The following VCAN variants were observed in gnomAD, a reference collection of about 807,000 sequenced individuals.
The protein encoded by VCAN is versican core protein.
VCAN carries 44 observed loss-of-function variants against 245.5 expected under a neutral mutation model. The ratio of observed to expected loss-of-function variants is 0.18; its 90% CI spans 0.14 to 0.23. The LOEUF is 0.23. Ranked by LOEUF, VCAN falls within the 10% of genes least tolerant of loss-of-function variation. VCAN has a pLI of 1.00. For synonymous variants in VCAN, 1,413 were observed against 1,437.0 expected, an observed-to-expected ratio of 0.98 and a Z score of 0.38; for missense variants, 3,793 against 4,057.9, an observed-to-expected ratio of 0.93 and a Z score of 1.77.
intron 10 of VCAN, among the ~76,000 whole-genome samples, chr5:83,549,869 A>G (rs760924837): frequency 3.3e-5 from 5 of 152,298 alleles, no homozygotes; most frequent in Middle Eastern, 3.4e-3. Context: ...CAGGTTGCCT[A>G]AGAACAAATG....
chr5:83,491,921 C>G (rs1373191104), intron 3 of VCAN, among the ~76,000 whole-genome samples: 1 of 152,176 alleles, frequency 6.6e-6, no homozygotes, highest in Non-Finnish European at 1.5e-5. Flanking sequence ...CTTGCTTAAG[C>G]CTTAGAGATC....
Position 83,580,151 on chromosome 5 carries a change from C to T in VCAN, c.10052C>T (p.Thr3351Ile). The T allele has an allele frequency of 3.1e-6, 5 of 1,614,064 alleles. No homozygotes were observed. Among genetic ancestry groups the T allele is most frequent in the Non-Finnish European group, 4.2e-6 (5 of 1,179,980 alleles). ...GGAAGATGGGCTATACCTAAAATTA[C>T]CTGCATGAACCGTAAGTGGTCCTTT... ...GNGRWAIPKI[T>I]CMNPSAYQRT... Residue 3351 changes from threonine (T) to isoleucine (I), a missense_variant, in exon 14 of 15, where the codon ACC (threonine) becomes ATC (isoleucine). Thr to Ile is a moderately conservative substitution (Grantham distance 89). Transcript: ENST00000265077.
intron 12 of VCAN, among the ~76,000 whole-genome samples, chr5:83,562,864 C>T (rs537044106): frequency 6.6e-6 from 1 of 152,256 alleles, no homozygotes; most frequent in East Asian, 1.9e-4. Context: ...GTGCGAGTAA[C>T]TCACATCCTT....
chr5:83,496,638 C>G (rs749141801), intron 5 of VCAN, among the ~76,000 whole-genome samples: 1 of 152,062 alleles, frequency 6.6e-6, no homozygotes, highest in Non-Finnish European at 1.5e-5. Flanking sequence ...TTTTTTTCCT[C>G]CTTGTTTATT....
chr5:83,474,508 GC>G (rs1447221626), intron 1 of VCAN, among the ~76,000 whole-genome samples: 1 of 152,216 alleles, frequency 6.6e-6, no homozygotes, highest in Non-Finnish European at 1.5e-5. Context: ...TGGGTCTGGG[GC>G]CCGCCCCCAC....
rs190583380 is a variant in VCAN at position 83,519,530 on chromosome 5, C to T, written c.1224C>T (p.Ala408=). The T allele has an allele frequency of 1.2e-6, 2 of 1,614,110 alleles. No individual in the cohort carries two copies. Among genetic ancestry groups the T allele is most frequent in the Non-Finnish European group, 8.5e-7 (1 of 1,179,964 alleles). The part of the protein sequence containing the change: ...VGNIVSFEQK[A]TVQPQAITDS... ...ATATTGTCAGTTTTGAACAGAAAGC[C>T]ACAGTCCAACCTCAGGCTATCACAG... The change falls in exon 7 of 15, where the codon GCC becomes GCT. Residue 408 remains alanine, a synonymous_variant. Transcript: ENST00000265077.
chr5:83,525,046 G>GTTTTT (rs34155062), intron 7 of VCAN, among the ~76,000 whole-genome samples: 2 of 132,534 alleles, frequency 1.5e-5, no homozygotes, highest in East Asian at 2.1e-4. Flanking sequence ...TATAAATCTT[G>GTTTTT]TTTTTTTTTT....
chr5:83,535,676 A>G (rs1188260049), intron 7 of VCAN: 1 of 152,158 alleles, frequency 6.6e-6, no homozygotes, highest in Admixed American at 6.6e-5. Flanking sequence ...AGCTTCTTGC[A>G]ACAGGAACAA....
intron 1 of VCAN, among the ~76,000 whole-genome samples, chr5:83,481,991 C>A (rs1368579980): frequency 6.6e-6 from 1 of 152,100 alleles, no homozygotes; most frequent in Non-Finnish European, 1.5e-5. Context: ...AGGGTCCCAG[C>A]TGAAAAATAT....
intron 12 of VCAN, among the ~76,000 whole-genome samples, chr5:83,558,316 G>A (rs1747747928): frequency 6.6e-6 from 1 of 152,086 alleles, no homozygotes; most frequent in Admixed American, 6.6e-5. Flanking sequence ...TTGGTCAGGG[G>A]GATCAGTATC....
chr5:83,488,992 A>G (rs927224706), intron 2 of VCAN, among the ~76,000 whole-genome samples: 2 of 152,270 alleles, frequency 1.3e-5, no homozygotes, highest in African/African-American at 2.4e-5. Flanking sequence ...CTTTTCTCCA[A>G]CTGTGTTTAC....
intron 12 of VCAN, among the ~76,000 whole-genome samples, chr5:83,556,861 G>A (rs964021405): frequency 6.6e-6 from 1 of 152,090 alleles, no homozygotes; most frequent in African/African-American, 2.4e-5. Context: ...TACAGTGAAT[G>A]CATTTAATGA....
rs1034157666 is a variant in VCAN at position 83,582,022 on chromosome 5, C to T, written c.*1588C>T. On this transcript the variant is annotated 3_prime_UTR_variant, in exon 15 of 15. Coordinates refer to ENST00000265077, the MANE Select transcript of VCAN (RefSeq NM_004385.5). ...GGCTTAGAAGGAATGACTCTAGCTA[C>T]AATAATACACAGTATGTTTAAGCAG... 1 of 151,972 alleles carries T rather than the reference C, an allele frequency of 6.6e-6. No individual in the cohort carries two copies. The highest frequency in any genetic ancestry group is 6.6e-5 in the Admixed American group (1 of 15,250). 9.4% of individuals were successfully genotyped at this position (151,972 alleles called of 1,614,324 possible). A position where few individuals can be genotyped will look rare whatever the true frequency, so the allele number is the denominator to read the frequency against.
intron 8 of VCAN, among the ~76,000 whole-genome samples, chr5:83,542,548 A>C (rs1368162225): frequency 6.6e-6 from 1 of 152,196 alleles, no homozygotes; most frequent in Non-Finnish European, 1.5e-5. Context: ...TAATGTTATA[A>C]AAATTCAATT....
chr5:83,546,592 C>CAAA lies in VCAN; in HGVS notation c.9379+955_9379+957dup, dbSNP rs11380325. Among the ~76,000 whole-genome samples the CAAA allele has an allele frequency of 3.3e-3, 453 of 137,722 alleles. 1 individual carries two copies. Among genetic ancestry groups the CAAA allele is most frequent in the African/African-American group, 0.011 (420 of 37,142 alleles). 90.4% of individuals were successfully genotyped at this position (137,722 alleles called of 152,430 possible). A position where few individuals can be genotyped will look rare whatever the true frequency, so the allele number is the denominator to read the frequency against. On this transcript the variant is annotated intron_variant, in intron 9 of 14. Transcript: ENST00000265077. ...GCAACATGGCAGAACCTCACCTCTG[C>CAAA]AAAAAAAAAAAAAAATTAACCGTGC...
At chr5:83,552,514 CT>C (rs1747507943) in intron 10 of VCAN, among the ~76,000 whole-genome samples, 1 of 152,224 alleles carries the variant, frequency 6.6e-6, no homozygotes, top group African/African-American at 2.4e-5. Flanking sequence ...ATGCCACTTT[CT>C]TGTGGAATTA....
At chr5:83,553,215 T>C in intron 10 of VCAN, 149 bp from the exon 11 acceptor site, 1 of 998,328 alleles carries the variant, frequency 1.0e-6, no homozygotes. Context: ...CATAATAATT[T>C]CTTTGTCATC....
At chr5:83,536,770 T>G in intron 7 of VCAN, 2 of 368,644 alleles carry the variant, frequency 5.4e-6, no homozygotes, top group Admixed American at 4.3e-5. Flanking sequence ...TTAAATGTGT[T>G]GATGAGTCTT....
At chr5:83,501,575 C>A (rs560046202) in intron 5 of VCAN, among the ~76,000 whole-genome samples, 22 of 152,112 alleles carry the variant, frequency 1.4e-4, no homozygotes, top group Non-Finnish European at 2.9e-4. Flanking sequence ...GACCTTGGCA[C>A]CCTGTTGAAA....
Sources: gnomAD v4.1 joint callset for allele counts (sites outside exome capture counted in the v4.1 genomes callset) on GRCh38, gnomAD v4.1.1 for gene constraint, MANE v1.5 for transcripts, NCBI Gene and HGNC (gene_info 2026-07-23, HGNC 2026-07-21) for gene names.